The following POM121 variants were observed in gnomAD, a reference collection of about 807,000 sequenced individuals.
The protein encoded by POM121 is POM121 transmembrane nucleoporin.
POM121 carries 32 observed loss-of-function variants against 81.3 expected under a neutral mutation model. The observed-to-expected ratio is 0.39, with a 90% CI of 0.30 to 0.53. The LOEUF (loss-of-function observed/expected upper bound fraction) is 0.53, where lower values mean the gene tolerates loss of function less well. POM121 is among the 20% of genes least tolerant of loss of function. The pLI is 0.66. For missense variants in POM121, 1,138 were observed against 1,614.6 expected, an observed-to-expected ratio of 0.70 and a Z score of 5.06; for synonymous variants, 514 against 694.2, an observed-to-expected ratio of 0.74 and a Z score of 4.08.
rs149592268 is a variant in POM121 at position 72,943,110 on chromosome 7, G to A, written c.3117G>A (p.Gly1039=). 649 of 1,613,020 alleles carry A rather than the reference G, an allele frequency of 4.0e-4. 4 individuals carry two copies. The highest frequency in any genetic ancestry group is 1.4e-3 in the South Asian group (128 of 91,060). The change falls in exon 11 of 13, where the codon GGG becomes GGA. Residue 1039 remains glycine (G), a synonymous_variant. Transcript: ENST00000434423. The part of the protein sequence containing the change: ...IFGGATHSAF[G]LKATASAFGA... Reference sequence around the variant, plus strand: ...GCGGTGCCACGCACTCGGCGTTTGGGTTGAAAGCCACGGCTTCGGCCTTCG... The same window carrying A: ...GCGGTGCCACGCACTCGGCGTTTGGATTGAAAGCCACGGCTTCGGCCTTCG...
At chr7:72,911,196 C>T (rs1793768687) in intron 3 of POM121, among the ~76,000 whole-genome samples, 1 of 152,186 alleles carries the variant, frequency 6.6e-6, no homozygotes. Context: ...TTTGGCCAGG[C>T]TGGTCTCAAA....
chr7:72,879,652 G>A (rs1231145807), exon 1 of POM121: 1 of 369,296 alleles, frequency 2.7e-6, no homozygotes, highest in South Asian at 2.0e-5. Flanking sequence ...GTGTGTCCTC[G>A]GCGGCCTGGC....
chr7:72,925,188 G>C lies in POM121; in HGVS notation c.67G>C (p.Gly23Arg). Residue 23 changes from glycine to arginine, a missense_variant, in exon 1 of 13, where the codon GGC becomes CGC. Gly to Arg is a moderately radical substitution (Grantham distance 125). Transcript: ENST00000434423. Reference protein sequence around the residue: ...RRRPIASVRDGRGRGCGGPAR... With the variant: ...RRRPIASVRDRRGRGCGGPAR... ...GCGGCCCATAGCGAGTGTCAGGGAC[G>C]GCCGGGGCCGGGGCTGCGGCGGGCC... 1.3e-6 allele frequency: 2 copies of C among 1,500,414 alleles called. No individual in the cohort carries two copies. The highest frequency in any genetic ancestry group is 1.4e-5 in the African/African-American group (1 of 70,252). The allele number at this position is 1,500,414 out of a possible 1,614,324, so 92.9% of individuals were successfully genotyped here.
rs1160560562 is a variant in POM121 at position 72,946,464 on chromosome 7, T to A, written c.*230T>A. 3.6e-6 allele frequency: 5 copies of A among 1,381,718 alleles called. No homozygotes were observed. Among genetic ancestry groups the A allele is most frequent in the African/African-American group, 1.5e-5 (1 of 67,954 alleles). The allele number at this position is 1,381,718 out of a possible 1,614,324, so 85.6% of individuals were successfully genotyped here. Reference sequence around the variant, plus strand: ...GAGGGCCAAAGCCCGGGACCTCTACTTGAACAGTTCTACTGGGGAGGCTGG... The same window carrying A: ...GAGGGCCAAAGCCCGGGACCTCTACATGAACAGTTCTACTGGGGAGGCTGG... On this transcript the variant is annotated 3_prime_UTR_variant, in exon 13 of 13. Transcript: ENST00000434423.
At chr7:72,916,923 A>G (rs534941996) in intron 4 of POM121, among the ~76,000 whole-genome samples, 38 of 152,300 alleles carry the variant, frequency 2.5e-4, no homozygotes, top group African/African-American at 8.9e-4. Flanking sequence ...GCTAAGTCCA[A>G]CGTCTGGGCT....
chr7:72,901,458 G>T (rs1199268829), intron 3 of POM121, among the ~76,000 whole-genome samples: 18 of 151,634 alleles, frequency 1.2e-4, no homozygotes, highest in Admixed American at 1.2e-3. Context: ...GGGTTCAAGC[G>T]ATTCTCCTGC....
chr7:72,927,949 T>G (rs1795628269), intron 3 of POM121, among the ~76,000 whole-genome samples: 1 of 152,130 alleles, frequency 6.6e-6, no homozygotes, highest in South Asian at 2.1e-4. Context: ...TGCACGCTTG[T>G]ACTCCTAACA....
At position 72,939,323 on chromosome 7, in the gene POM121, T is replaced by G. The variant is rs1554500246; in HGVS notation, c.1368-13T>G. 1 of 1,613,642 alleles carries G rather than the reference T, an allele frequency of 6.2e-7. No homozygotes were observed. Among genetic ancestry groups the G allele is most frequent in the Non-Finnish European group, 8.5e-7 (1 of 1,179,710 alleles). On this transcript the variant is annotated splice_polypyrimidine_tract_variant and intron_variant, in intron 6 of 12. Transcript: ENST00000434423. ...AGCCTTTCTAGACTAAATTGTTCCT[T>G]TTTTCCTGACAGAGAAGAGGAGCTG...
chr7:72,945,167 C>G (rs2129580895), intron 11 of POM121, among the ~76,000 whole-genome samples: 1 of 152,248 alleles, frequency 6.6e-6, no homozygotes, highest in Middle Eastern at 3.4e-3. Context: ...GGGAGGGGAC[C>G]ACGGGGCATC....
chr7:72,884,540 ATATACATATAATATATATT>A (rs1790505122), intron 1 of POM121, among the ~76,000 whole-genome samples: 3 of 145,334 alleles, frequency 2.1e-5, no homozygotes, highest in African/African-American at 5.0e-5. Context: ...GATAGCAAAT[ATATACATATAATATATATT>A]TGATAGCAAA....
At chr7:72,898,218 C>T (rs1376058394) in intron 3 of POM121, among the ~76,000 whole-genome samples, 1 of 152,148 alleles carries the variant, frequency 6.6e-6, no homozygotes, top group African/African-American at 2.4e-5. Flanking sequence ...TTTGGTCTTG[C>T]ACGTGTCAGG....
intron 3 of POM121, among the ~76,000 whole-genome samples, chr7:72,896,121 A>C (rs1360152103): frequency 1.3e-5 from 2 of 151,736 alleles, no homozygotes; most frequent in African/African-American, 4.9e-5. Context: ...GCCCGTTGTC[A>C]ATCTTTGGGT....
At chr7:72,944,075 A>C (rs1321978575) in intron 11 of POM121, among the ~76,000 whole-genome samples, 1 of 152,222 alleles carries the variant, frequency 6.6e-6, no homozygotes, top group Non-Finnish European at 1.5e-5. Flanking sequence ...GGGGGTGGGC[A>C]CAGCACAAGT....
At chr7:72,943,773 C>T (rs1464150750) in intron 11 of POM121, among the ~76,000 whole-genome samples, 3 of 152,084 alleles carry the variant, frequency 2.0e-5, no homozygotes, top group Non-Finnish European at 4.4e-5. Flanking sequence ...CGCAGTGGCT[C>T]ACGCTTGTAA....
intron 3 of POM121, among the ~76,000 whole-genome samples, chr7:72,906,325 A>G (rs1357557280): frequency 6.6e-6 from 1 of 152,226 alleles, no homozygotes; most frequent in Non-Finnish European, 1.5e-5. Flanking sequence ...CAAGGTGCAG[A>G]ACCCACGGTT....
intron 9 of POM121, 112 bp from the exon 10 acceptor site, chr7:72,940,705 A>C: frequency 2.6e-6 from 4 of 1,544,308 alleles, no homozygotes; most frequent in Non-Finnish European, 3.6e-6. Flanking sequence ...GGACCACTGC[A>C]ATTGAGGGCA....
chr7:72,890,484 T>C, intron 1 of POM121: 1 of 1,089,824 alleles, frequency 9.2e-7, no homozygotes, highest in East Asian at 2.9e-5. Flanking sequence ...GATATGTGTT[T>C]CCAATATGAT....
intron 4 of POM121, among the ~76,000 whole-genome samples, chr7:72,929,038 T>C (rs1241176189): frequency 2.0e-5 from 3 of 152,200 alleles, no homozygotes; most frequent in Non-Finnish European, 4.4e-5. Context: ...GTCAGATCAG[T>C]GTACTGCACT....
At position 72,925,433 on chromosome 7, in the gene POM121, A is replaced by C. The variant is rs1554497026; in HGVS notation, c.312A>C (p.Thr104=). 1 of 1,533,802 alleles carries C rather than the reference A, an allele frequency of 6.5e-7. No individual in the cohort carries two copies. The highest frequency in any genetic ancestry group is 2.4e-5 in the East Asian group (1 of 40,892). The change falls in exon 1 of 13, where the codon ACA becomes ACC. Residue 104 remains threonine (T), a synonymous_variant. Transcript: ENST00000434423. ...TTCGGAAGGCGCGTCATCGGCGAAC[A>C]CTGTTCGCTTCGCCTCTGGCCAAGT... is the stretch of plus-strand genomic sequence containing the variant. ...SFVRKARHRR[T]LFASPLAKST...
Sources: allele counts gnomAD v4.1 joint callset (sites outside exome capture counted in the v4.1 genomes callset), GRCh38; gene constraint gnomAD v4.1.1; transcripts MANE v1.5; gene names NCBI Gene and HGNC (gene_info 2026-07-23, HGNC 2026-07-21).